Variants in GNA12 observed in about 807,000 individuals in gnomAD.
The protein encoded by GNA12 is guanine nucleotide-binding protein subunit alpha-12.
GNA12 carries 9 observed loss-of-function variants against 26.0 expected under a neutral mutation model. The observed-to-expected ratio is 0.35, with a 90% CI of 0.21 to 0.60. GNA12 has a LOEUF of 0.60. Ranked by LOEUF, GNA12 falls within the 20% of genes least tolerant of loss-of-function variation. The pLI is 0.78. For synonymous variants in GNA12, 264 were observed against 219.6 expected (o/e 1.20, Z -1.79); for missense variants, 405 against 525.8 (o/e 0.77, Z 2.25).
At chr7:2,821,269 G>C (rs914048133) in intron 1 of GNA12, among the ~76,000 whole-genome samples, 1 of 152,170 alleles carries the variant, frequency 6.6e-6, no homozygotes, top group African/African-American at 2.4e-5. Context: ...GAGACTCTCC[G>C]CCTGTTCAAC....
At chr7:2,783,970 C>A (rs1454807576) in intron 2 of GNA12, among the ~76,000 whole-genome samples, 1 of 152,132 alleles carries the variant, frequency 6.6e-6, no homozygotes, top group East Asian at 1.9e-4. Context: ...CAGGCGTAAG[C>A]CACCATGCCT....
intron 2 of GNA12, among the ~76,000 whole-genome samples, chr7:2,758,678 C>T (rs1381075013): frequency 8.5e-5 from 13 of 152,184 alleles, no homozygotes; most frequent in Admixed American, 8.5e-4. Context: ...AACCCCTGTG[C>T]TAGAGAGGTT....
intron 2 of GNA12, among the ~76,000 whole-genome samples, chr7:2,736,864 C>T (rs928447086): frequency 2.0e-5 from 3 of 152,234 alleles, no homozygotes; most frequent in Admixed American, 6.5e-5. Context: ...GCTGGCCTCA[C>T]GCACTTCCTT....
intron 2 of GNA12, chr7:2,762,483 G>T: frequency 1.4e-6 from 1 of 711,106 alleles, no homozygotes; most frequent in Non-Finnish European, 2.2e-6. Context: ...ACCCGTGTGC[G>T]GGGCCTGAGG....
At chr7:2,755,157 T>C (rs1791233940) in intron 2 of GNA12, among the ~76,000 whole-genome samples, 1 of 151,472 alleles carries the variant, frequency 6.6e-6, no homozygotes, top group African/African-American at 2.4e-5. Context: ...CACACAGGCC[T>C]GACCACTGCA....
In GNA12 at chr7:2,812,636, A is replaced by AACATCACATCATCACATCACATCACATC. The variant is rs1554262402; in HGVS notation, c.310-17494_310-17493insGATGTGATGTGATGTGATGATGTGATGT. On this transcript the variant is annotated intron_variant, in intron 1 of 3. Coordinates refer to ENST00000275364, the MANE Select transcript of GNA12 (RefSeq NM_007353.3). The stretch of plus-strand genomic sequence containing the variant: ...AAGAGTGAAACTCCATCTCAAAAAT[A>AACATCACATCATCACATCACATCACATC]ACATCACATCACATCACATCACATC... Among the ~76,000 whole-genome samples, 8 of 134,094 alleles carry AACATCACATCATCACATCACATCACATC rather than the reference A, an allele frequency of 6.0e-5. No individual in the cohort carries two copies. The South Asian group carries it at 1.0e-3, about 17-fold the overall frequency. 88.0% of individuals were successfully genotyped at this position (134,094 alleles called of 152,430 possible). A position where few individuals can be genotyped will look rare whatever the true frequency, so the allele number is the denominator to read the frequency against.
intron 2 of GNA12, among the ~76,000 whole-genome samples, chr7:2,747,746 C>T (rs149041923): frequency 0.013 from 2,012 of 152,182 alleles, 51 homozygotes; most frequent in African/African-American, 0.043. Flanking sequence ...TGTTTGCAGA[C>T]GACATGATTG....
At chr7:2,836,065 G>A in intron 1 of GNA12, 1 of 250,054 alleles carries the variant, frequency 4.0e-6, no homozygotes, top group Non-Finnish European at 8.5e-6. Context: ...TAATAAACTT[G>A]ATTATTGTTT....
intron 2 of GNA12, among the ~76,000 whole-genome samples, chr7:2,760,790 C>A (rs190073133): frequency 9.2e-5 from 14 of 152,364 alleles, no homozygotes; most frequent in Admixed American, 3.3e-4. Flanking sequence ...TACTGCTGGA[C>A]CGTCCCAGCT....
At chr7:2,820,631 G>A (rs1377186754) in intron 1 of GNA12, among the ~76,000 whole-genome samples, 2 of 152,236 alleles carry the variant, frequency 1.3e-5, no homozygotes, top group Non-Finnish European at 1.5e-5. Flanking sequence ...TGTGGCAGCT[G>A]CTTGTTGTCC....
chr7:2,813,962 T>A (rs893712507), intron 1 of GNA12, among the ~76,000 whole-genome samples: 10 of 152,116 alleles, frequency 6.6e-5, no homozygotes, highest in African/African-American at 2.2e-4. Context: ...AGACCCTGAA[T>A]AGATCAGACG....
chr7:2,754,635 C>CT, intron 2 of GNA12, among the ~76,000 whole-genome samples: 1 of 151,742 alleles, frequency 6.6e-6, no homozygotes, highest in South Asian at 2.1e-4. Flanking sequence ...GTAGTCCCAG[C>CT]TATTAGGGGA....
rs570527150 is a variant in GNA12, at chr7:2,792,187, G to A, written c.525+2741C>T. 4.6e-4 allele frequency among the ~76,000 whole-genome samples: 70 copies of A among 152,314 alleles called. 1 individual carries two copies. The highest frequency in any genetic ancestry group is 1.3e-3 in the African/African-American group (52 of 41,578). ...GGTCTTCTTCACTGCTATATCCCCA[G>A]CATGTAGCACCGGGTCTCACACAGT... On this transcript the variant is annotated intron_variant, in intron 2 of 3. Coordinates refer to ENST00000275364, the MANE Select transcript of GNA12 (RefSeq NM_007353.3).
In GNA12 at chr7:2,739,684, T is replaced by C. The variant is rs961417820; in HGVS notation, c.526-6183A>G. Among the ~76,000 whole-genome samples the C allele has an allele frequency of 3.3e-5, 5 of 152,152 alleles. No individual in the cohort carries two copies. In the East Asian group the frequency reaches 9.6e-4, roughly 29 times the overall value. On this transcript the variant is annotated intron_variant, in intron 2 of 3. Coordinates refer to ENST00000275364, the MANE Select transcript of GNA12 (RefSeq NM_007353.3). Reference sequence around the variant, plus strand: ...CTGTAGCATCCTATGGTAGTTCTTTTTTTATTTTAAAATGGAGTCTCGCCC... The same window carrying C: ...CTGTAGCATCCTATGGTAGTTCTTTCTTTATTTTAAAATGGAGTCTCGCCC...
intron 2 of GNA12, among the ~76,000 whole-genome samples, chr7:2,754,647 G>A (rs1254636351): frequency 2.0e-5 from 3 of 152,022 alleles, no homozygotes; most frequent in Non-Finnish European, 4.4e-5. Context: ...ATTAGGGGAG[G>A]CTGGGACAAG....
intron 2 of GNA12, among the ~76,000 whole-genome samples, chr7:2,753,704 G>T (rs1285996778): frequency 6.6e-6 from 1 of 152,160 alleles, no homozygotes; most frequent in African/African-American, 2.4e-5. Flanking sequence ...AAATGCCCAG[G>T]AGTGTGACTG....
intron 2 of GNA12, among the ~76,000 whole-genome samples, chr7:2,758,911 G>C (rs1051672870): frequency 6.6e-6 from 1 of 152,092 alleles, no homozygotes; most frequent in Non-Finnish European, 1.5e-5. Flanking sequence ...CTGGGAGGCC[G>C]AGGTGGATCA....
intron 2 of GNA12, among the ~76,000 whole-genome samples, chr7:2,751,399 G>GA (rs67434697): frequency 0.37 from 37,062 of 101,046 alleles, 4,983 homozygotes; most frequent in Non-Finnish European, 0.4. Context: ...AAAGAAAAAA[G>GA]AAAAAAAAAA....
chr7:2,756,733 G>A (rs1791316784), intron 2 of GNA12, among the ~76,000 whole-genome samples: 1 of 152,210 alleles, frequency 6.6e-6, no homozygotes, highest in Admixed American at 6.5e-5. Flanking sequence ...TTTCCCTGGA[G>A]TGTGGAAGGG....
Sources: allele counts gnomAD v4.1 joint callset (sites outside exome capture counted in the v4.1 genomes callset), GRCh38; gene constraint gnomAD v4.1.1; transcripts MANE v1.5; gene names NCBI Gene and HGNC (gene_info 2026-07-23, HGNC 2026-07-21).